NLK: variants seen among roughly 807,000 people sequenced by gnomAD.
The protein encoded by NLK is nemo like kinase.
Under a neutral mutation model 59.0 loss-of-function variants are expected in NLK, and 11 were observed. That is an observed-to-expected ratio of 0.19 (90% CI 0.12 to 0.31). NLK has a LOEUF of 0.31. NLK is among the 10% of genes least tolerant of loss of function. The probability of loss-of-function intolerance (pLI) is 1.00; values close to 1 mark genes in which losing one functional copy is unlikely to be tolerated. For synonymous variants in NLK, 235 were observed against 235.9 expected (o/e 1.00, Z 0.03); for missense variants, 410 against 661.1 (o/e 0.62, Z 4.16).
intron 1 of NLK, among the ~76,000 whole-genome samples, chr17:28,049,130 CAT>C (rs886850441): frequency 1.3e-5 from 2 of 152,166 alleles, no homozygotes; most frequent in Admixed American, 1.3e-4. Flanking sequence ...TCATGATAGA[CAT>C]AGTCAGTAGT....
At chr17:28,052,741 A>G (rs545032516) in intron 1 of NLK, among the ~76,000 whole-genome samples, 1 of 152,228 alleles carries the variant, frequency 6.6e-6, no homozygotes, top group East Asian at 1.9e-4. Flanking sequence ...ATTATTAATG[A>G]TCTATATTAC....
chr17:28,163,232 C>G (rs956147161), intron 4 of NLK, among the ~76,000 whole-genome samples: 1 of 152,212 alleles, frequency 6.6e-6, no homozygotes, highest in African/African-American at 2.4e-5. Flanking sequence ...AATAGCCACA[C>G]TGACTAGCAA....
At chr17:28,080,089 A>G (rs1016268011) in intron 1 of NLK, among the ~76,000 whole-genome samples, 2 of 152,098 alleles carry the variant, frequency 1.3e-5, no homozygotes, top group Non-Finnish European at 2.9e-5. Context: ...CTTCAGATCT[A>G]CAAACTGCTG....
At chr17:28,062,444 C>T (rs1909693744) in intron 1 of NLK, among the ~76,000 whole-genome samples, 1 of 152,082 alleles carries the variant, frequency 6.6e-6, no homozygotes, top group African/African-American at 2.4e-5. Context: ...TTTTAAAAAT[C>T]AAAACCTGGA....
At chr17:28,100,365 C>G (rs1407132991) in intron 1 of NLK, among the ~76,000 whole-genome samples, 1 of 152,134 alleles carries the variant, frequency 6.6e-6, no homozygotes, top group Admixed American at 6.5e-5. Context: ...ACCACGAGCT[C>G]ATGTTTTATT....
chr17:28,144,196 T>G (rs917764222), intron 3 of NLK, among the ~76,000 whole-genome samples: 9 of 152,128 alleles, frequency 5.9e-5, no homozygotes, highest in African/African-American at 2.2e-4. Flanking sequence ...TCACATCACC[T>G]CTTTTAGTTC....
intron 7 of NLK, 136 bp downstream of exon 7, chr17:28,172,754 G>A (rs1044364791): frequency 7.5e-6 from 3 of 402,054 alleles, no homozygotes; most frequent in Non-Finnish European, 1.4e-5. Context: ...AAGGTCCTAA[G>A]TAAGAAAATG....
intron 3 of NLK, among the ~76,000 whole-genome samples, chr17:28,134,814 T>C (rs1788491443): frequency 2.0e-5 from 3 of 151,940 alleles, no homozygotes; most frequent in Non-Finnish European, 2.9e-5. Context: ...CCTGGCCAGA[T>C]GGTTCTGACA....
chr17:28,083,635 G>T (rs1184126738), intron 1 of NLK, among the ~76,000 whole-genome samples: 2 of 152,184 alleles, frequency 1.3e-5, no homozygotes, highest in South Asian at 4.1e-4. Flanking sequence ...TATGATTTTT[G>T]TTGTTGTTGT....
At chr17:28,198,380 G>A (rs1229151374), downstream of NLK, among the ~76,000 whole-genome samples, 2 of 152,166 alleles carry the variant, frequency 1.3e-5, no homozygotes. Flanking sequence ...CTGGAGTGTA[G>A]TGGCGCAATC....
chr17:28,153,638 A>T (rs1025648355), intron 3 of NLK, among the ~76,000 whole-genome samples: 4 of 151,986 alleles, frequency 2.6e-5, no homozygotes. Flanking sequence ...ACATAACAAA[A>T]CGCTTAATGC....
At chr17:28,061,923 A>C (rs1485849379) in intron 1 of NLK, 1 of 138,776 alleles carries the variant, frequency 7.2e-6, no homozygotes, top group Non-Finnish European at 1.5e-5. Context: ...ATATATATAC[A>C]TATATATATA....
chr17:28,124,286 G>A (rs1906200801), intron 2 of NLK, among the ~76,000 whole-genome samples: 1 of 152,186 alleles, frequency 6.6e-6, no homozygotes, highest in Non-Finnish European at 1.5e-5. Context: ...CTACTCAGAA[G>A]GCTGAAGTGG....
intron 8 of NLK, among the ~76,000 whole-genome samples, chr17:28,189,013 G>A (rs936849768): frequency 1.4e-5 from 2 of 144,052 alleles, no homozygotes; most frequent in Admixed American, 6.9e-5. Context: ...ACACACACAC[G>A]CTGAACATCC....
At chr17:28,107,434 CAAAA>C (rs202119739) in intron 1 of NLK, among the ~76,000 whole-genome samples, 2 of 132,118 alleles carry the variant, frequency 1.5e-5, no homozygotes, top group South Asian at 4.8e-4. Context: ...AACTCTGTCT[CAAAA>C]AAAAAAAAGA....
the NLK span, among the ~76,000 whole-genome samples, chr17:28,204,599 CATT>C: frequency 6.6e-6 from 1 of 152,210 alleles, no homozygotes. Flanking sequence ...ATGTATCACA[CATT>C]ATTCTAGGCA....
intron 1 of NLK, among the ~76,000 whole-genome samples, chr17:28,102,379 G>A (rs1042801013): frequency 6.6e-6 from 1 of 151,958 alleles, no homozygotes. Flanking sequence ...GGCCAGGTGC[G>A]GTGGCTCACA....
At chr17:28,139,358 T>C (rs977784082) in intron 3 of NLK, among the ~76,000 whole-genome samples, 1 of 152,212 alleles carries the variant, frequency 6.6e-6, no homozygotes, top group Non-Finnish European at 1.5e-5. Context: ...ATTCATTTGA[T>C]GATTTAAAAC....
intron 1 of NLK, among the ~76,000 whole-genome samples, chr17:28,047,734 T>C (rs1909111026): frequency 6.6e-6 from 1 of 152,214 alleles, no homozygotes; most frequent in African/African-American, 2.4e-5. Flanking sequence ...AGCTTGCTCA[T>C]CTTGTGAACA....
Sources: allele counts gnomAD v4.1 joint callset (sites outside exome capture counted in the v4.1 genomes callset), GRCh38; gene constraint gnomAD v4.1.1; transcripts MANE v1.5; gene names NCBI Gene and HGNC (gene_info 2026-07-23, HGNC 2026-07-21).